The following NEK11 variants were observed in gnomAD, a reference collection of about 807,000 sequenced individuals.
The protein encoded by NEK11 is NIMA related kinase 11, also known as serine/threonine-protein kinase Nek11.
A neutral mutation model predicts 80.7 loss-of-function variants in NEK11; 72 were observed. The observed-to-expected ratio is 0.89, with a 90% CI of 0.74 to 1.08. NEK11 has a LOEUF of 1.08. Ranked by LOEUF, NEK11 falls within the 50% of genes least tolerant of loss-of-function variation. NEK11 has a pLI of 0.00. For synonymous variants in NEK11, 251 were observed against 260.7 expected, an observed-to-expected ratio of 0.96 and a Z score of 0.36; for missense variants, 764 against 763.6, an observed-to-expected ratio of 1.00 and a Z score of -0.01.
At chr3:131,043,972 A>C (rs1002349430) in intron 3 of NEK11, among the ~76,000 whole-genome samples, 3 of 152,228 alleles carry the variant, frequency 2.0e-5, no homozygotes, top group African/African-American at 7.2e-5. Context: ...ACATTCTTAA[A>C]GGAAAGAATT....
At chr3:131,259,121 CAAGTCCTCT>C (rs1399100130) in intron 16 of NEK11, among the ~76,000 whole-genome samples, 1 of 152,136 alleles carries the variant, frequency 6.6e-6, no homozygotes, top group East Asian at 1.9e-4. Flanking sequence ...GATTCAAACC[CAAGTCCTCT>C]AAGCCAGCTC....
chr3:131,266,038 T>G (rs1314702008), intron 16 of NEK11, among the ~76,000 whole-genome samples: 2 of 152,236 alleles, frequency 1.3e-5, no homozygotes, highest in Non-Finnish European at 2.9e-5. Context: ...GTAGTTTGTA[T>G]TTCTGTGGAA....
At chr3:131,213,815 G>A (rs2094718195) in intron 14 of NEK11, among the ~76,000 whole-genome samples, 1 of 152,170 alleles carries the variant, frequency 6.6e-6, no homozygotes, top group Admixed American at 6.5e-5. Flanking sequence ...TTGTAATGCA[G>A]TACATGTTTT....
intron 15 of NEK11, among the ~76,000 whole-genome samples, chr3:131,230,574 A>ATT: frequency 6.6e-6 from 1 of 152,192 alleles, no homozygotes; most frequent in South Asian, 2.1e-4. Flanking sequence ...GATACTGCCA[A>ATT]AACTCCTTAA....
At chr3:131,068,859 A>G (rs568886104) in intron 3 of NEK11, among the ~76,000 whole-genome samples, 7 of 152,312 alleles carry the variant, frequency 4.6e-5, no homozygotes, top group Admixed American at 1.3e-4. Context: ...AAGACCCAGA[A>G]TCAGTGTTTA....
intron 17 of NEK11, among the ~76,000 whole-genome samples, chr3:131,308,916 T>C (rs573108037): frequency 6.6e-6 from 1 of 152,282 alleles, no homozygotes; most frequent in South Asian, 2.1e-4. Context: ...TTAGTTAGAA[T>C]CTCATAAGGA....
chr3:131,211,943 G>C (rs984211363), intron 14 of NEK11, among the ~76,000 whole-genome samples: 1 of 152,022 alleles, frequency 6.6e-6, no homozygotes, highest in African/African-American at 2.4e-5. Context: ...TCTTATTACC[G>C]ATCTTCTGAA....
intron 14 of NEK11, chr3:131,175,096 A>G (rs1349772789): frequency 1.8e-6 from 2 of 1,098,830 alleles, no homozygotes; most frequent in Non-Finnish European, 2.2e-6. Context: ...TTCTTTTTAA[A>G]TGTCCAAGTG....
Position 131,157,383 on chromosome 3 carries a change from T to C in NEK11, c.962+2262T>C, listed in dbSNP as rs1320537569. Among the ~76,000 whole-genome samples the C allele has an allele frequency of 2.0e-5, 3 of 152,326 alleles. No homozygotes were observed. The East Asian group carries it at 5.8e-4, about 29-fold the overall frequency. On this transcript the variant is annotated intron_variant, in intron 10 of 17. Transcript: ENST00000383366. ...AAACCTTGTGTTGGCCCTGGGAGTG[T>C]GATCATTGTCCATTACAGTCTGGGC...
chr3:131,348,587 C>G (rs1479037603), intron 17 of NEK11, among the ~76,000 whole-genome samples: 1 of 151,406 alleles, frequency 6.6e-6, no homozygotes, highest in Non-Finnish European at 1.5e-5. Flanking sequence ...AAAAACAAAA[C>G]ATGTTATGGA....
At chr3:131,334,092 T>G (rs890016687) in intron 17 of NEK11, among the ~76,000 whole-genome samples, 2 of 152,204 alleles carry the variant, frequency 1.3e-5, no homozygotes, top group Non-Finnish European at 2.9e-5. Flanking sequence ...ATCCAGGAAT[T>G]GAACTCAGCT....
chr3:131,115,036 G>T (rs1024671228), intron 5 of NEK11, among the ~76,000 whole-genome samples: 1 of 152,146 alleles, frequency 6.6e-6, no homozygotes. Flanking sequence ...GTTTACAGGT[G>T]TGTCTTTGAA....
At chr3:131,327,628 G>A (rs1157924799) in intron 17 of NEK11, 1 of 151,674 alleles carries the variant, frequency 6.6e-6, no homozygotes, top group Non-Finnish European at 1.5e-5. Flanking sequence ...TACATATGTG[G>A]ATCTCCATTT....
rs541300921 is a variant in NEK11 at position 131,344,018 on chromosome 3, C to T, written c.1719-5539C>T. 3.9e-5 allele frequency among the ~76,000 whole-genome samples: 6 copies of T among 152,272 alleles called. No homozygotes were observed. The South Asian group carries it at 8.3e-4, about 21-fold the overall frequency. ...ATAGCCTGCTTGAATTTCTCTCCCC[C>T]AAAAAAGCTTTTTCTTTCTTTGTCA... On this transcript the variant is annotated intron_variant, in intron 17 of 17. Coordinates refer to ENST00000383366, the MANE Select transcript of NEK11 (RefSeq NM_024800.5).
At position 131,306,110 on chromosome 3, in the gene NEK11, A is replaced by G. The variant is rs555293946; in HGVS notation, c.1718+32536A>G. On this transcript the variant is annotated intron_variant, in intron 17 of 17. Coordinates refer to ENST00000383366, the MANE Select transcript of NEK11 (RefSeq NM_024800.5). ...TTAAGAAATCCTAAGATTTCTGCTT[A>G]TGTTGCCCATCTTTTTGTACATGCT... Among the ~76,000 whole-genome samples the G allele has an allele frequency of 2.6e-5, 4 of 152,158 alleles. No homozygotes were observed. The East Asian group carries it at 7.7e-4, about 29-fold the overall frequency.
At chr3:131,218,706 A>G (rs930198599) in intron 14 of NEK11, among the ~76,000 whole-genome samples, 3 of 152,212 alleles carry the variant, frequency 2.0e-5, no homozygotes, top group Non-Finnish European at 4.4e-5. Flanking sequence ...CTGTGTCCTC[A>G]TAAGAAGAGG....
intron 3 of NEK11, among the ~76,000 whole-genome samples, chr3:131,065,156 A>C (rs1431728536): frequency 6.6e-6 from 1 of 152,238 alleles, no homozygotes; most frequent in Non-Finnish European, 1.5e-5. Flanking sequence ...CTTTGGTCTT[A>C]AAGTCAGACC....
At chr3:131,157,171 G>A (rs1244856771) in intron 10 of NEK11, among the ~76,000 whole-genome samples, 1 of 152,230 alleles carries the variant, frequency 6.6e-6, no homozygotes, top group African/African-American at 2.4e-5. Context: ...AGGATCAGGT[G>A]AGGCAAGTGA....
intron 4 of NEK11, among the ~76,000 whole-genome samples, chr3:131,105,519 C>T (rs2079051286): frequency 6.6e-6 from 1 of 152,188 alleles, no homozygotes; most frequent in African/African-American, 2.4e-5. Flanking sequence ...TTAATTGACT[C>T]ACAGTTCCAC....
Sources: gnomAD v4.1 joint callset for allele counts (sites outside exome capture counted in the v4.1 genomes callset) on GRCh38, gnomAD v4.1.1 for gene constraint, MANE v1.5 for transcripts, NCBI Gene and HGNC (gene_info 2026-07-23, HGNC 2026-07-21) for gene names.